The following GRID1 variants were observed in gnomAD, a reference collection of about 807,000 sequenced individuals.
GRID1 encodes the protein glutamate ionotropic receptor delta type subunit 1, also known as glutamate receptor ionotropic, delta-1.
In GRID1, 28 loss-of-function variants were observed where a neutral mutation model predicts 98.0. The observed-to-expected ratio is 0.29, with a 90% CI of 0.21 to 0.39. The LOEUF (loss-of-function observed/expected upper bound fraction) is 0.39, where lower values mean the gene tolerates loss of function less well. GRID1 is among the 10% of genes least tolerant of loss of function. The pLI is 1.00. For synonymous variants in GRID1, 553 were observed against 538.5 expected, an observed-to-expected ratio of 1.03 and a Z score of -0.37; for missense variants, 1,111 against 1,340.5, an observed-to-expected ratio of 0.83 and a Z score of 2.67.
At chr10:86,210,198 TCAGGAGA>T (rs1437740277) in intron 2 of GRID1, among the ~76,000 whole-genome samples, 1 of 152,124 alleles carries the variant, frequency 6.6e-6, no homozygotes, top group African/African-American at 2.4e-5. Flanking sequence ...TTTCAGGGTC[TCAGGAGA>T]GCAGCACAAG....
intron 3 of GRID1, among the ~76,000 whole-genome samples, chr10:86,194,925 C>A (rs1411229754): frequency 1.3e-5 from 2 of 152,082 alleles, no homozygotes; most frequent in African/African-American, 4.8e-5. Flanking sequence ...AGGGACCATG[C>A]CTGCCTTGCT....
rs571303159 is a variant in GRID1, at chr10:85,950,569, G to A, written c.727-34330C>T. On this transcript the variant is annotated intron_variant, in intron 4 of 15. Coordinates refer to ENST00000327946, the MANE Select transcript of GRID1 (RefSeq NM_017551.3). ...ATCAATGGTCTTGTCAAGGAGCAGA[G>A]GGGGAGAACATCTCAAAAGGCCTGT... Among the ~76,000 whole-genome samples, 201 of 152,310 alleles carry A rather than the reference G, an allele frequency of 1.3e-3. 1 individual carries two copies. The highest frequency in any genetic ancestry group is 1.9e-3 in the Non-Finnish European group (128 of 68,024).
chr10:86,180,819 A>G (rs537007562), intron 3 of GRID1, among the ~76,000 whole-genome samples: 17 of 152,314 alleles, frequency 1.1e-4, no homozygotes, highest in Non-Finnish European at 2.2e-4. Flanking sequence ...ACAAATGGCA[A>G]TAAGATCCCT....
chr10:86,291,175 G>T (rs1847507067), intron 2 of GRID1, among the ~76,000 whole-genome samples: 1 of 152,232 alleles, frequency 6.6e-6, no homozygotes, highest in Non-Finnish European at 1.5e-5. Flanking sequence ...AAGGGGACCT[G>T]TGGCGGGGGG....
At chr10:86,054,567 G>C (rs780955610) in intron 4 of GRID1, among the ~76,000 whole-genome samples, 1 of 152,212 alleles carries the variant, frequency 6.6e-6, no homozygotes, top group Non-Finnish European at 1.5e-5. Flanking sequence ...GCCCTGCAAA[G>C]GCTCAGGCCA....
intron 4 of GRID1, among the ~76,000 whole-genome samples, chr10:85,932,814 C>G (rs1453960256): frequency 1.3e-5 from 2 of 152,092 alleles, no homozygotes; most frequent in East Asian, 1.9e-4. Flanking sequence ...CAGGGCACAG[C>G]AGGGATGAGC....
Position 85,727,993 on chromosome 10 carries a change from C to T in GRID1, c.1395G>A (p.Gly465=). The part of the protein sequence containing the change: ...NILGQPKRYK[G]FSIDVLDALA... ...GTGCATCCAGGACATCTATGGAGAACCCTTTGTAGCGCTTGGGCTGTCCTA... is the reference window on the plus strand; with the variant it reads ...GTGCATCCAGGACATCTATGGAGAATCCTTTGTAGCGCTTGGGCTGTCCTA... The change falls in exon 10 of 16, where the codon GGG becomes GGA. Residue 465 remains glycine (G), a synonymous_variant. Transcript: ENST00000327946. 6.2e-7 allele frequency: 1 copy of T among 1,613,866 alleles called. No homozygotes were observed. The highest frequency in any genetic ancestry group is 8.5e-7 in the Non-Finnish European group (1 of 1,179,768).
intron 4 of GRID1, among the ~76,000 whole-genome samples, chr10:86,037,085 C>G (rs1843275566): frequency 6.6e-6 from 1 of 152,132 alleles, no homozygotes; most frequent in South Asian, 2.1e-4. Context: ...TAAAGGTGCC[C>G]TTTTGATACC....
intron 2 of GRID1, among the ~76,000 whole-genome samples, chr10:86,334,801 G>A (rs752436192): frequency 8.5e-5 from 13 of 152,202 alleles, no homozygotes; most frequent in African/African-American, 1.4e-4. Context: ...GGATGTGGCC[G>A]GGTCTGCAGA....
At chr10:86,250,726 G>A (rs761033268) in intron 2 of GRID1, among the ~76,000 whole-genome samples, 1 of 151,854 alleles carries the variant, frequency 6.6e-6, no homozygotes, top group Non-Finnish European at 1.5e-5. Flanking sequence ...TCTGGGAGGT[G>A]GGGGGCGCCT....
At chr10:86,179,020 A>G (rs978730992) in intron 3 of GRID1, among the ~76,000 whole-genome samples, 37 of 152,118 alleles carry the variant, frequency 2.4e-4, no homozygotes, top group African/African-American at 7.5e-4. Flanking sequence ...CCCAGGTCCC[A>G]GCCTAGCCTG....
chr10:86,183,781 A>G (rs949698256), intron 3 of GRID1, among the ~76,000 whole-genome samples: 3 of 152,226 alleles, frequency 2.0e-5, no homozygotes, highest in African/African-American at 7.2e-5. Context: ...CTTTCAGGTA[A>G]ATACCTGGGA....
At chr10:85,755,036 G>C (rs991163812) in intron 8 of GRID1, among the ~76,000 whole-genome samples, 2 of 152,116 alleles carry the variant, frequency 1.3e-5, no homozygotes, top group African/African-American at 4.8e-5. Context: ...ATATGAAGCA[G>C]CCCGATCATG....
chr10:86,300,259 T>G (rs1847662281), intron 2 of GRID1, among the ~76,000 whole-genome samples: 1 of 151,816 alleles, frequency 6.6e-6, no homozygotes, highest in Admixed American at 6.6e-5. Context: ...AGAATACATT[T>G]CTGTTGTTGT....
chr10:86,040,573 G>A (rs1026513918), intron 4 of GRID1, among the ~76,000 whole-genome samples: 13 of 150,346 alleles, frequency 8.6e-5, no homozygotes, highest in Admixed American at 6.0e-4. Context: ...GGTTACCAGA[G>A]ACTGAGGAGA....
intron 2 of GRID1, among the ~76,000 whole-genome samples, chr10:86,277,308 A>T (rs1008813766): frequency 6.6e-6 from 1 of 152,224 alleles, no homozygotes; most frequent in African/African-American, 2.4e-5. Flanking sequence ...TTACCACTAG[A>T]TCTTCTCTGT....
chr10:86,304,691 C>A (rs1330264539), intron 2 of GRID1, among the ~76,000 whole-genome samples: 2 of 152,348 alleles, frequency 1.3e-5, no homozygotes, highest in East Asian at 3.9e-4. Context: ...ATCTCCAACA[C>A]TCCTGTAAGA....
At chr10:85,667,358 CTT>C (rs1841033333) in intron 12 of GRID1, among the ~76,000 whole-genome samples, 1 of 151,540 alleles carries the variant, frequency 6.6e-6, no homozygotes, top group Non-Finnish European at 1.5e-5. Context: ...CGAACAATGT[CTT>C]TTATTTGTTA....
chr10:86,030,856 G>A (rs1284797119), intron 4 of GRID1, among the ~76,000 whole-genome samples: 2 of 152,208 alleles, frequency 1.3e-5, no homozygotes, highest in Non-Finnish European at 2.9e-5. Flanking sequence ...GCTTGCACAG[G>A]TGAATGCCAG....
Sources: gnomAD v4.1 joint callset for allele counts (sites outside exome capture counted in the v4.1 genomes callset) on GRCh38, gnomAD v4.1.1 for gene constraint, MANE v1.5 for transcripts, NCBI Gene and HGNC (gene_info 2026-07-23, HGNC 2026-07-21) for gene names.